GLT8D1: variants seen among roughly 807,000 people sequenced by gnomAD.
GLT8D1 encodes glycosyltransferase 8 domain-containing protein 1.
In GLT8D1, 41 loss-of-function variants were observed where a neutral mutation model predicts 46.2. The observed-to-expected ratio is 0.89, with a 90% CI of 0.69 to 1.15. The LOEUF (loss-of-function observed/expected upper bound fraction) is 1.15, where lower values mean the gene tolerates loss of function less well. Among genes scored for constraint, GLT8D1 ranks in the 50% most tolerant of loss-of-function variants. GLT8D1 has a pLI of 0.00. For synonymous variants in GLT8D1, 150 were observed against 154.2 expected (o/e 0.97, Z 0.20); for missense variants, 408 against 449.3 (o/e 0.91, Z 0.83).
intron 1 of GLT8D1, among the ~76,000 whole-genome samples, chr3:52,701,573 T>G (rs2097339432): frequency 6.6e-6 from 1 of 152,028 alleles, no homozygotes. Flanking sequence ...TTCACCATGT[T>G]GGCCAGACTG....
In GLT8D1 at chr3:52,700,200, T is replaced by C. The variant is rs2097338066; in HGVS notation, c.115+62A>G. 5 of 994,574 alleles carry C rather than the reference T, an allele frequency of 5.0e-6. No individual in the cohort carries two copies. The Admixed American group carries it at 9.7e-5, about 19-fold the overall frequency. The allele number at this position is 994,574 out of a possible 1,614,324, so 61.6% of individuals were successfully genotyped here. The stretch of plus-strand genomic sequence containing the variant: ...CGGAAGAAGAACAACTTAGGATGTG[T>C]GACACAGAGAATACCAGGTCCGCAA... On this transcript the variant is annotated intron_variant, in intron 3 of 9. Transcript: ENST00000266014.
chr3:52,697,035 CAG>C (rs1412308851), intron 4 of GLT8D1, among the ~76,000 whole-genome samples: 2 of 121,646 alleles, frequency 1.6e-5, no homozygotes, highest in Non-Finnish European at 3.5e-5. Context: ...AGTTTCAAAT[CAG>C]TGTTTTGTGG....
At chr3:52,695,323 A>ATGTT (rs756963723) in intron 8 of GLT8D1, 21 bp from the exon 9 acceptor site, 17 of 1,597,268 alleles carry the variant, frequency 1.1e-5, no homozygotes, top group East Asian at 4.5e-5. Flanking sequence ...CAGAAAACAA[A>ATGTT]TGTTTGTTAG....
rs768670793 is a variant in GLT8D1 at position 52,700,256 on chromosome 3, G to A, written c.115+6C>T. ...TCTAAGGCATTATTAATAAGTGCTC[G>A]CATACCTGTAACCTCATTCCTTAAC... On this transcript the variant is annotated splice_donor_region_variant and intron_variant, in intron 3 of 9. Coordinates refer to ENST00000266014, the MANE Select transcript of GLT8D1 (RefSeq NM_018446.4). The A allele has an allele frequency of 7.3e-5, 115 of 1,578,650 alleles. No homozygotes were observed. In the South Asian group the frequency reaches 1.0e-3, roughly 14 times the overall value.
rs2097338020 is a variant in GLT8D1, at chr3:52,700,127, G to A, written c.115+135C>T. The A allele has an allele frequency of 8.2e-6, 5 of 610,554 alleles. 1 individual carries two copies. The Admixed American group carries it at 8.8e-5, about 11-fold the overall frequency. The allele number at this position is 610,554 out of a possible 1,614,324, so 37.8% of individuals were successfully genotyped here. A position where few individuals can be genotyped will look rare whatever the true frequency, so the allele number is the denominator to read the frequency against. On this transcript the variant is annotated intron_variant, in intron 3 of 9. Transcript: ENST00000266014. ...CCTAAGGCCTCTGATTTGGTGAAAA[G>A]GAATATTCTGTCAGATCAAACCCTT...
In GLT8D1 at chr3:52,694,498, T is replaced by TGTAA. The variant is rs1345592297; in HGVS notation, c.*343_*346dup. The stretch of plus-strand genomic sequence containing the variant: ...AAAAAAGAAGATACCTATTGAAAAA[T>TGTAA]GTAAGTTTTATTTACAGATCAGGCC... On this transcript the variant is annotated 3_prime_UTR_variant, in exon 10 of 10. Coordinates refer to ENST00000266014, the MANE Select transcript of GLT8D1 (RefSeq NM_018446.4). 38 of 578,114 alleles carry TGTAA rather than the reference T, an allele frequency of 6.6e-5. No homozygotes were observed. The highest frequency in any genetic ancestry group is 1.7e-4 in the East Asian group (6 of 35,140). 35.8% of individuals were successfully genotyped at this position (578,114 alleles called of 1,614,324 possible).
chr3:52,700,534 CAT>C (rs1260911694), intron 1 of GLT8D1, 38 bp from the exon 2 acceptor site: 4 of 948,272 alleles, frequency 4.2e-6, no homozygotes, highest in African/African-American at 1.7e-5. Flanking sequence ...TCAGTAAGCA[CAT>C]GAGAAGGGAC....
At chr3:52,699,458 T>C (rs1304564297) in intron 3 of GLT8D1, among the ~76,000 whole-genome samples, 3 of 152,126 alleles carry the variant, frequency 2.0e-5, no homozygotes, top group Admixed American at 2.0e-4. Flanking sequence ...CTAATTTTTG[T>C]ATTTTTAGTA....
chr3:52,701,687 A>G (rs2097339558), intron 1 of GLT8D1, among the ~76,000 whole-genome samples: 1 of 152,184 alleles, frequency 6.6e-6, no homozygotes, highest in African/African-American at 2.4e-5. Flanking sequence ...TTAAGGTGCT[A>G]TTCTCAAAAA....
chr3:52,705,737 C>A lies in GLT8D1; in HGVS notation c.-327G>T, dbSNP rs1578598695. 2 of 858,306 alleles carry A rather than the reference C, an allele frequency of 2.3e-6. No individual in the cohort carries two copies. The highest frequency in any genetic ancestry group is 4.4e-5 in the East Asian group (1 of 22,680). The allele number at this position is 858,306 out of a possible 1,614,324, so 53.2% of individuals were successfully genotyped here. A position where few individuals can be genotyped will look rare whatever the true frequency, so the allele number is the denominator to read the frequency against. On this transcript the variant is annotated 5_prime_UTR_variant, in exon 1 of 10. Transcript: ENST00000266014. ...CCGTGGCAGCCGCGCAGCCCCACTACGCCCAGCCAGCCCGCAGCGGTAACC... is the reference window on the plus strand; with the variant it reads ...CCGTGGCAGCCGCGCAGCCCCACTAAGCCCAGCCAGCCCGCAGCGGTAACC...
At position 52,694,746 on chromosome 3, in the gene GLT8D1, T is replaced by A. The variant is rs2097331083; in HGVS notation, c.*99A>T. The A allele has an allele frequency of 1.2e-6, 1 of 828,488 alleles. No individual in the cohort carries two copies. Among genetic ancestry groups the A allele is most frequent in the African/African-American group, 1.7e-5 (1 of 59,858 alleles). 51.3% of individuals were successfully genotyped at this position (828,488 alleles called of 1,614,324 possible). On this transcript the variant is annotated 3_prime_UTR_variant, in exon 10 of 10. Transcript: ENST00000266014. The stretch of plus-strand genomic sequence containing the variant: ...AGCTGACACATCTTTTTCCATGGCT[T>A]GCTACCGATAGGCATTGAAGCCTAG...
At chr3:52,704,306 A>C (rs2097341846) in intron 1 of GLT8D1, among the ~76,000 whole-genome samples, 1 of 151,640 alleles carries the variant, frequency 6.6e-6, no homozygotes, top group African/African-American at 2.4e-5. Context: ...TAAAATCACA[A>C]AAATTAGCCG....
chr3:52,700,237 G>A (rs745878683), intron 3 of GLT8D1, 25 bp downstream of exon 3: 21 of 1,411,402 alleles, frequency 1.5e-5, no homozygotes, highest in Non-Finnish European at 1.9e-5. Context: ...AGATTCTAAG[G>A]CATTATTAAT....
In GLT8D1 at chr3:52,704,191, G is replaced by A. The variant is rs576674418; in HGVS notation, c.-37+1256C>T. Among the ~76,000 whole-genome samples the A allele has an allele frequency of 7.2e-5, 11 of 152,004 alleles. No homozygotes were observed. In the South Asian group the frequency reaches 2.1e-3, roughly 29 times the overall value. ...AAGACCGCACTGGCCGGGCGCGGTG[G>A]CTCATGCCTGTAATCCCAGCACTTT... On this transcript the variant is annotated intron_variant, in intron 1 of 9. Coordinates refer to ENST00000266014, the MANE Select transcript of GLT8D1 (RefSeq NM_018446.4).
chr3:52,699,659 C>T (rs2097337573), intron 3 of GLT8D1, among the ~76,000 whole-genome samples: 1 of 152,042 alleles, frequency 6.6e-6, no homozygotes, highest in Admixed American at 6.6e-5. Flanking sequence ...TTTTTATAAA[C>T]TTTCCTACCA....
chr3:52,696,705 A>G, intron 4 of GLT8D1, 46 bp from the exon 5 acceptor site: 1 of 1,045,446 alleles, frequency 9.6e-7, no homozygotes, highest in South Asian at 1.3e-5. Flanking sequence ...TAATGTCTCC[A>G]AACCAATGAG....
In GLT8D1 at chr3:52,697,653, A is replaced by T. The variant is rs1233986179; in HGVS notation, c.329+68T>A. 4 of 1,013,634 alleles carry T rather than the reference A, an allele frequency of 3.9e-6. No individual in the cohort carries two copies. The African/African-American group carries it at 6.3e-5, about 16-fold the overall frequency. 62.8% of individuals were successfully genotyped at this position (1,013,634 alleles called of 1,614,324 possible). On this transcript the variant is annotated intron_variant, in intron 4 of 9. Transcript: ENST00000266014. ...CAACATACAAACCACAGAAAAACAG[A>T]TCCTGGATTGGCAGCTGGCCTGCTC...
intron 9 of GLT8D1, 29 bp downstream of exon 9, chr3:52,695,161 A>G (rs1179445636): frequency 1.3e-6 from 2 of 1,526,134 alleles, no homozygotes; most frequent in Admixed American, 3.4e-5. Flanking sequence ...ATTCTTTACT[A>G]GCTTATGCCA....
At chr3:52,696,347 G>C in intron 5 of GLT8D1, 29 bp from the exon 6 acceptor site, 1 of 1,415,776 alleles carries the variant, frequency 7.1e-7, no homozygotes, top group Non-Finnish European at 1.0e-6. Context: ...ATTGGCATAG[G>C]ATACCGCACT....
Sources: allele counts gnomAD v4.1 joint callset (sites outside exome capture counted in the v4.1 genomes callset), GRCh38; gene constraint gnomAD v4.1.1; transcripts MANE v1.5; gene names NCBI Gene and HGNC (gene_info 2026-07-23, HGNC 2026-07-21).